DIAPH3: variants seen among roughly 807,000 people sequenced by gnomAD.
DIAPH3 encodes the protein diaphanous related formin 3, also known as protein diaphanous homolog 3.
In DIAPH3, 117 loss-of-function variants were observed where a neutral mutation model predicts 144.3. The ratio of observed to expected loss-of-function variants is 0.81; its 90% CI spans 0.70 to 0.95. The LOEUF is 0.95. Among genes scored for constraint, DIAPH3 ranks in the 40% least tolerant of loss-of-function variants. DIAPH3 has a pLI of 0.00. For missense variants in DIAPH3, 1,421 were observed against 1,412.7 expected (o/e 1.01, Z -0.09); for synonymous variants, 519 against 488.9 (o/e 1.06, Z -0.81).
At chr13:60,113,630 G>A (rs918633171) in intron 2 of DIAPH3, among the ~76,000 whole-genome samples, 4 of 152,050 alleles carry the variant, frequency 2.6e-5, no homozygotes, top group African/African-American at 4.8e-5. Flanking sequence ...ACCAGAAAAC[G>A]TATAAAGTTA....
intron 21 of DIAPH3, among the ~76,000 whole-genome samples, chr13:59,878,949 TTCC>T (rs2044813957): frequency 6.6e-6 from 1 of 152,152 alleles, no homozygotes; most frequent in Non-Finnish European, 1.5e-5. Flanking sequence ...TATTTTGACG[TTCC>T]ATTTCATTGG....
chr13:60,077,467 C>T (rs1289688408), intron 4 of DIAPH3, among the ~76,000 whole-genome samples: 1 of 152,088 alleles, frequency 6.6e-6, no homozygotes, highest in African/African-American at 2.4e-5. Flanking sequence ...CAGGAGATTA[C>T]ACGCACACAC....
intron 20 of DIAPH3, among the ~76,000 whole-genome samples, chr13:59,891,339 C>G (rs758288723): frequency 6.6e-6 from 1 of 151,030 alleles, no homozygotes; most frequent in African/African-American, 2.4e-5. Context: ...TTTTGTTTTT[C>G]CAAATGAAAG....
intron 17 of DIAPH3, among the ~76,000 whole-genome samples, chr13:59,933,868 T>A (rs530865791): frequency 6.6e-6 from 1 of 152,202 alleles, no homozygotes; most frequent in Non-Finnish European, 1.5e-5. Flanking sequence ...AGTAGCAAAA[T>A]TATGTAAAGA....
At chr13:59,799,589 ACATATGT>A (rs1470317113) in intron 25 of DIAPH3, among the ~76,000 whole-genome samples, 1 of 152,236 alleles carries the variant, frequency 6.6e-6, no homozygotes, top group Admixed American at 6.5e-5. Context: ...AACAAACTTG[ACATATGT>A]CATATCTTGT....
At chr13:59,756,981 T>C (rs940857455) in intron 27 of DIAPH3, among the ~76,000 whole-genome samples, 2 of 152,172 alleles carry the variant, frequency 1.3e-5, no homozygotes, top group African/African-American at 4.8e-5. Flanking sequence ...AAGGATGACA[T>C]AGTTTGCTAA....
At chr13:59,836,309 A>C (rs1285323424) in intron 23 of DIAPH3, among the ~76,000 whole-genome samples, 3 of 151,852 alleles carry the variant, frequency 2.0e-5, no homozygotes, top group Non-Finnish European at 4.4e-5. Flanking sequence ...ACCGATAAAA[A>C]TTTAGTAAGT....
At chr13:60,007,167 T>C (rs1002379880) in intron 9 of DIAPH3, among the ~76,000 whole-genome samples, 3 of 152,132 alleles carry the variant, frequency 2.0e-5, no homozygotes, top group African/African-American at 4.8e-5. Context: ...TTCTCCTGTT[T>C]TAGCCTCCTG....
intron 27 of DIAPH3, among the ~76,000 whole-genome samples, chr13:59,730,878 A>G (rs2035860894): frequency 6.6e-6 from 1 of 152,160 alleles, no homozygotes. Context: ...TGCTCAATAA[A>G]AATGAGATGG....
At chr13:60,116,855 T>C (rs2058717337) in intron 2 of DIAPH3, among the ~76,000 whole-genome samples, 1 of 152,052 alleles carries the variant, frequency 6.6e-6, no homozygotes, top group Admixed American at 6.6e-5. Flanking sequence ...ATTAACAATA[T>C]TTTTACTAAT....
chr13:60,156,445 G>A (rs1952023531), intron 1 of DIAPH3, among the ~76,000 whole-genome samples: 1 of 152,160 alleles, frequency 6.6e-6, no homozygotes, highest in African/African-American at 2.4e-5. Context: ...AGGGAAGAGG[G>A]AAGTGGGGTA....
chr13:59,922,554 C>T (rs2047569706), intron 18 of DIAPH3, among the ~76,000 whole-genome samples: 1 of 151,852 alleles, frequency 6.6e-6, no homozygotes, highest in South Asian at 2.1e-4. Flanking sequence ...TATCTCATTC[C>T]AAAACAGTTC....
intron 27 of DIAPH3, among the ~76,000 whole-genome samples, chr13:59,690,258 A>G (rs556576064): frequency 2.6e-5 from 4 of 152,244 alleles, no homozygotes; most frequent in Admixed American, 1.3e-4. Context: ...ATGCATTCTT[A>G]TATACATTAC....
intron 20 of DIAPH3, among the ~76,000 whole-genome samples, chr13:59,880,548 G>C (rs990820892): frequency 1.3e-5 from 2 of 152,004 alleles, no homozygotes; most frequent in African/African-American, 4.8e-5. Flanking sequence ...GATTGTTTGG[G>C]ATACAGAAAG....
chr13:59,812,447 A>C (rs1779362181), intron 24 of DIAPH3, among the ~76,000 whole-genome samples: 1 of 152,206 alleles, frequency 6.6e-6, no homozygotes, highest in South Asian at 2.1e-4. Context: ...AGTGCATAAG[A>C]GAGCACACTA....
chr13:59,922,865 T>A (rs1414075872), intron 18 of DIAPH3, among the ~76,000 whole-genome samples: 1 of 152,134 alleles, frequency 6.6e-6, no homozygotes, highest in African/African-American at 2.4e-5. Context: ...TGTTATTCTG[T>A]TTTCTGTAAA....
At chr13:59,980,892 G>A in intron 13 of DIAPH3, 33 bp from the exon 14 acceptor site, 2 of 1,572,160 alleles carry the variant, frequency 1.3e-6, no homozygotes, top group Non-Finnish European at 1.7e-6. Flanking sequence ...TTTTTAATGT[G>A]AAACTTCTTA....
intron 27 of DIAPH3, among the ~76,000 whole-genome samples, chr13:59,692,262 G>A (rs1268515724): frequency 6.0e-5 from 9 of 150,266 alleles, no homozygotes; most frequent in Admixed American, 5.3e-4. Context: ...GGAAGGTTGA[G>A]GTTTAACATT....
chr13:59,722,865 C>G (rs1814930816), intron 27 of DIAPH3, among the ~76,000 whole-genome samples: 1 of 152,102 alleles, frequency 6.6e-6, no homozygotes, highest in African/African-American at 2.4e-5. Flanking sequence ...AAAGCTTGAT[C>G]TAAATTGTTT....
Sources: allele counts gnomAD v4.1 joint callset (sites outside exome capture counted in the v4.1 genomes callset), GRCh38; gene constraint gnomAD v4.1.1; transcripts MANE v1.5; gene names NCBI Gene and HGNC (gene_info 2026-07-23, HGNC 2026-07-21).